The following EBF3 variants were observed in gnomAD, a reference collection of about 807,000 sequenced individuals.
EBF3 encodes the protein EBF transcription factor 3, also known as transcription factor COE3.
In EBF3, 18 loss-of-function variants were observed where a neutral mutation model predicts 77.1. The ratio of observed to expected loss-of-function variants is 0.23; its 90% confidence interval spans 0.16 to 0.35. EBF3 has a LOEUF of 0.35. Ranked by LOEUF, EBF3 falls within the 10% of genes least tolerant of loss-of-function variation. EBF3 has a pLI of 1.00. For missense variants in EBF3, 558 were observed against 860.0 expected (o/e 0.65, Z 4.39); for synonymous variants, 350 against 343.5 (o/e 1.02, Z -0.21).
intron 10 of EBF3, among the ~76,000 whole-genome samples, chr10:129,858,215 G>A (rs1022537041): frequency 7.9e-5 from 12 of 152,204 alleles, no homozygotes; most frequent in Non-Finnish European, 1.5e-4. Context: ...TACCCTCCGT[G>A]GTGTCTGCCG....
At chr10:129,958,838 C>G in intron 5 of EBF3, 96 bp downstream of exon 5, 2 of 1,428,512 alleles carry the variant, frequency 1.4e-6, no homozygotes, top group Non-Finnish European at 1.8e-6. Context: ...CTTCCCGGAG[C>G]TGGGCGGGGT....
At position 129,964,081 on chromosome 10, in the gene EBF3, C is replaced by T. The variant is rs1362358874; in HGVS notation, c.-313G>A. 2.0e-6 allele frequency: 2 copies of T among 985,030 alleles called. No individual in the cohort carries two copies. Among genetic ancestry groups the T allele is most frequent in the Non-Finnish European group, 2.4e-6 (2 of 829,858 alleles). The allele number at this position is 985,030 out of a possible 1,614,324, so 61.0% of individuals were successfully genotyped here. On this transcript the variant is annotated 5_prime_UTR_variant, in exon 1 of 17. Coordinates refer to ENST00000440978, the MANE Select transcript of EBF3 (RefSeq NM_001375380.1). The surrounding 1 kb of genome is among the most constrained non-coding windows in gnomAD (Gnocchi z 4.5). ...CGCGCTCAACGTGGTGTCATCCTAG[C>T]CAGGCGGCGTCCGCGGCTGCAGGAC...
At chr10:129,896,034 T>C (rs964466773) in intron 6 of EBF3, among the ~76,000 whole-genome samples, 4 of 152,234 alleles carry the variant, frequency 2.6e-5, no homozygotes, top group Non-Finnish European at 5.9e-5. Flanking sequence ...TAACAGTTAT[T>C]ATGGCATTTT....
At chr10:129,927,523 C>T (rs747815539) in intron 6 of EBF3, among the ~76,000 whole-genome samples, 37 of 152,172 alleles carry the variant, frequency 2.4e-4, no homozygotes, top group East Asian at 3.9e-4. Flanking sequence ...ACTCCAACAG[C>T]GCCTGCAGGT....
chr10:129,946,315 G>C (rs1423207226), intron 6 of EBF3, among the ~76,000 whole-genome samples: 1 of 152,202 alleles, frequency 6.6e-6, no homozygotes, highest in South Asian at 2.1e-4. Flanking sequence ...TAATAAATGG[G>C]AACAAATGTG....
intron 6 of EBF3, among the ~76,000 whole-genome samples, chr10:129,904,403 T>A (rs980953468): frequency 6.6e-6 from 1 of 152,192 alleles, no homozygotes; most frequent in Non-Finnish European, 1.5e-5. Flanking sequence ...TGGAGATGGA[T>A]GGATGGACAG....
At chr10:129,853,464 C>G (rs1186843380) in intron 10 of EBF3, among the ~76,000 whole-genome samples, 1 of 152,154 alleles carries the variant, frequency 6.6e-6, no homozygotes, top group African/African-American at 2.4e-5. Context: ...TTTGTCATAA[C>G]GCAGTAATTT....
intron 6 of EBF3, among the ~76,000 whole-genome samples, chr10:129,954,174 CATAG>C (rs1478402439): frequency 2.0e-5 from 3 of 152,154 alleles, no homozygotes; most frequent in Admixed American, 6.5e-5. Context: ...CACAATCTAC[CATAG>C]ATACTTTTTT....
intron 10 of EBF3, among the ~76,000 whole-genome samples, chr10:129,853,616 G>A (rs1004378405): frequency 6.6e-6 from 1 of 152,212 alleles, no homozygotes; most frequent in Non-Finnish European, 1.5e-5. Flanking sequence ...ATAAGATATA[G>A]TATATTTTAC....
At chr10:129,883,809 G>T (rs558374417) in intron 6 of EBF3, among the ~76,000 whole-genome samples, 1 of 152,204 alleles carries the variant, frequency 6.6e-6, no homozygotes, top group Non-Finnish European at 1.5e-5. Context: ...TTCCTCTTGT[G>T]GGGGTAACGG....
At chr10:129,949,344 C>T (rs1027977437) in intron 6 of EBF3, among the ~76,000 whole-genome samples, 2 of 152,140 alleles carry the variant, frequency 1.3e-5, no homozygotes, top group African/African-American at 4.8e-5. Flanking sequence ...AAAAAGAAAA[C>T]TTAGGGGGCA....
intron 5 of EBF3, among the ~76,000 whole-genome samples, chr10:129,958,352 A>G (rs1047084450): frequency 6.6e-6 from 1 of 152,140 alleles, no homozygotes; most frequent in Non-Finnish European, 1.5e-5. Flanking sequence ...TTTATTTGCC[A>G]TGTAGGGGTG....
intron 6 of EBF3, among the ~76,000 whole-genome samples, chr10:129,882,057 C>T (rs368989413): frequency 1.3e-5 from 2 of 152,368 alleles, no homozygotes; most frequent in East Asian, 3.9e-4. Flanking sequence ...CTAGGTATCA[C>T]ACAAGAAAGG....
At chr10:129,881,060 A>C (rs1386946203) in intron 6 of EBF3, among the ~76,000 whole-genome samples, 2 of 152,222 alleles carry the variant, frequency 1.3e-5, no homozygotes, top group East Asian at 3.8e-4. Flanking sequence ...TTCCTAAGAA[A>C]TATCTGACAA....
chr10:129,911,510 C>CA (rs1855522275), intron 6 of EBF3, among the ~76,000 whole-genome samples: 1 of 152,184 alleles, frequency 6.6e-6, no homozygotes, highest in African/African-American at 2.4e-5. Context: ...CAGAAACCCC[C>CA]ATCCCCACCC....
Position 129,963,077 on chromosome 10 carries a change from C to G in EBF3, c.292-72G>C. 1.9e-6 allele frequency: 3 copies of G among 1,570,478 alleles called. No individual in the cohort carries two copies. In the East Asian group the frequency reaches 6.7e-5, roughly 35 times the overall value. ...CGCGGCCACCACGCTCGGTCCCCCTCCGCGACCGAGGCTCTCGGCCTCACA... is the reference window on the plus strand; with the variant it reads ...CGCGGCCACCACGCTCGGTCCCCCTGCGCGACCGAGGCTCTCGGCCTCACA... On this transcript the variant is annotated intron_variant, in intron 2 of 16. Transcript: ENST00000440978. The surrounding 1 kb of genome is among the most constrained non-coding windows in gnomAD (Gnocchi z 7.1).
intron 6 of EBF3, among the ~76,000 whole-genome samples, chr10:129,910,598 C>T (rs1015513215): frequency 2.6e-5 from 4 of 152,206 alleles, no homozygotes; most frequent in African/African-American, 9.6e-5. Context: ...TTTTCTTATC[C>T]GAGATGCCAG....
chr10:129,846,287 G>C (rs1241539144), intron 11 of EBF3, among the ~76,000 whole-genome samples: 1 of 152,024 alleles, frequency 6.6e-6, no homozygotes, highest in Non-Finnish European at 1.5e-5. Context: ...CCAAAACAAT[G>C]TGTGTGCAAT....
chr10:129,903,768 T>C (rs1440861187), intron 6 of EBF3, among the ~76,000 whole-genome samples: 3 of 152,162 alleles, frequency 2.0e-5, no homozygotes, highest in Admixed American at 6.5e-5. Context: ...GGGGAGTCCA[T>C]GACCCCAGGC....
Sources: allele counts gnomAD v4.1 joint callset (sites outside exome capture counted in the v4.1 genomes callset), GRCh38; gene constraint gnomAD v4.1.1; non-coding constraint Gnocchi (gnomAD v3.1); transcripts MANE v1.5; gene names NCBI Gene and HGNC (gene_info 2026-07-23, HGNC 2026-07-21).